UVRAG: variants seen among roughly 807,000 people sequenced by gnomAD.
UVRAG encodes UV radiation resistance-associated gene protein.
UVRAG carries 19 observed loss-of-function variants against 78.0 expected under a neutral mutation model. The ratio of observed to expected loss-of-function variants is 0.24; its 90% CI spans 0.17 to 0.36. UVRAG has a LOEUF of 0.36. Among genes scored for constraint, UVRAG ranks in the 10% least tolerant of loss-of-function variants. The pLI, the probability that UVRAG is intolerant of heterozygous loss-of-function variation, is 1.00. For missense variants in UVRAG, 740 were observed against 853.8 expected, an observed-to-expected ratio of 0.87 and a Z score of 1.66; for synonymous variants, 323 against 324.6, an observed-to-expected ratio of 1.00 and a Z score of 0.05.
chr11:75,965,644 C>A (rs986115488), intron 7 of UVRAG, among the ~76,000 whole-genome samples: 5 of 152,110 alleles, frequency 3.3e-5, no homozygotes, highest in Non-Finnish European at 7.4e-5. Flanking sequence ...TAGAGTTATT[C>A]TGAAGTGTTT....
At chr11:75,957,368 A>G (rs1335696109) in intron 6 of UVRAG, among the ~76,000 whole-genome samples, 4 of 150,666 alleles carry the variant, frequency 2.7e-5, no homozygotes, top group Non-Finnish European at 5.9e-5. Context: ...AATTTGCTAT[A>G]TATGTGTAGG....
At chr11:75,920,007 G>GGTTTTT (rs1947940403) in intron 6 of UVRAG, among the ~76,000 whole-genome samples, 3 of 72,730 alleles carry the variant, frequency 4.1e-5, no homozygotes, top group Admixed American at 1.6e-4. Flanking sequence ...AAATAATTTT[G>GGTTTTT]GTTTTTTTTT....
In UVRAG at chr11:76,143,782, AG is replaced by A. The variant is rs1312506633; in HGVS notation, c.*2372del. Among the ~76,000 whole-genome samples the A allele has an allele frequency of 3.3e-5, 5 of 152,260 alleles. No homozygotes were observed. Among genetic ancestry groups the A allele is most frequent in the Admixed American group, 3.3e-4 (5 of 15,294 alleles). On this transcript the variant is annotated 3_prime_UTR_variant, in exon 15 of 15. Transcript: ENST00000356136. ...GTTTAAAGTGGCTGGGGCCAAAATAAGGGATGAGTTATTATCTCCTACTAAC... is the reference window on the plus strand; with the variant it reads ...GTTTAAAGTGGCTGGGGCCAAAATAAGGATGAGTTATTATCTCCTACTAAC...
chr11:75,850,968 AGTGGACTT>A (rs1179670000), intron 1 of UVRAG, among the ~76,000 whole-genome samples: 1 of 152,230 alleles, frequency 6.6e-6, no homozygotes, highest in Non-Finnish European at 1.5e-5. Flanking sequence ...TGTAATTGAA[AGTGGACTT>A]ACCTCAGGAG....
chr11:75,834,926 C>G (rs1945744872), intron 1 of UVRAG, among the ~76,000 whole-genome samples: 1 of 152,182 alleles, frequency 6.6e-6, no homozygotes. Context: ...TATCTTCCCT[C>G]CTCAGCCTCT....
chr11:76,086,762 T>C (rs1951595586), intron 13 of UVRAG, among the ~76,000 whole-genome samples: 1 of 152,122 alleles, frequency 6.6e-6, no homozygotes, highest in South Asian at 2.1e-4. Context: ...AACTTATTTT[T>C]CCCAAAAAAA....
intron 13 of UVRAG, among the ~76,000 whole-genome samples, chr11:76,109,512 T>C (rs1484742545): frequency 6.6e-6 from 1 of 152,234 alleles, no homozygotes; most frequent in Non-Finnish European, 1.5e-5. Context: ...TAAATATTGT[T>C]GGTCCTGTTT....
chr11:75,938,910 A>G (rs527984940), intron 6 of UVRAG, among the ~76,000 whole-genome samples: 2 of 151,892 alleles, frequency 1.3e-5, no homozygotes, highest in South Asian at 4.2e-4. Context: ...TTTCTTCTAC[A>G]CTCAGGTAGA....
At chr11:75,895,946 C>T (rs541077717) in intron 5 of UVRAG, among the ~76,000 whole-genome samples, 1 of 152,114 alleles carries the variant, frequency 6.6e-6, no homozygotes, top group South Asian at 2.1e-4. Context: ...CTGTGGGATA[C>T]AAAAGTATAA....
chr11:75,906,309 G>T (rs1220418683), intron 5 of UVRAG, among the ~76,000 whole-genome samples: 1 of 151,754 alleles, frequency 6.6e-6, no homozygotes, highest in African/African-American at 2.4e-5. Flanking sequence ...TCTTCTAATA[G>T]TTCTATAGGT....
intron 5 of UVRAG, among the ~76,000 whole-genome samples, chr11:75,910,369 G>T (rs1191381335): frequency 6.6e-6 from 1 of 152,058 alleles, no homozygotes; most frequent in Admixed American, 6.5e-5. Flanking sequence ...AAGAAACCAA[G>T]GTTAAACTAA....
intron 12 of UVRAG, 82 bp downstream of exon 12, chr11:76,017,062 A>G: frequency 9.4e-7 from 1 of 1,060,244 alleles, no homozygotes; most frequent in South Asian, 2.7e-5. Flanking sequence ...ATAAAATGTA[A>G]TCTAAATTAT....
intron 14 of UVRAG, chr11:76,137,650 A>G (rs1952624341): frequency 5.6e-6 from 2 of 356,622 alleles, no homozygotes; most frequent in Non-Finnish European, 5.5e-6. Flanking sequence ...TGTAATCCCA[A>G]TATTTTGGGA....
chr11:75,815,435 C>T lies in UVRAG; in HGVS notation c.28C>T (p.Pro10Ser). MSASASVGGPVPQPPPGPAA... is the reference protein window; with the variant it reads MSASASVGGSVPQPPPGPAA... ...GAGCGCCTCCGCGTCGGTCGGGGGC[C>T]CCGTCCCCCAGCCACCCCCGGGCCC... Residue 10 changes from proline to serine, a missense_variant, in exon 1 of 15, where the codon CCC becomes TCC. Transcript: ENST00000356136. 1 of 1,248,692 alleles carries T rather than the reference C, an allele frequency of 8.0e-7. No homozygotes were observed. The highest frequency in any genetic ancestry group is 1.0e-6 in the Non-Finnish European group (1 of 995,854). 77.4% of individuals were successfully genotyped at this position (1,248,692 alleles called of 1,614,324 possible).
chr11:76,005,538 CCACTCAATACAA>C (rs1223018423), intron 9 of UVRAG, among the ~76,000 whole-genome samples: 1 of 152,196 alleles, frequency 6.6e-6, no homozygotes, highest in Non-Finnish European at 1.5e-5. Context: ...CTGTTACACA[CCACTCAATACAA>C]CACTTTTAAC....
intron 13 of UVRAG, among the ~76,000 whole-genome samples, chr11:76,109,662 A>G (rs1952035472): frequency 6.6e-6 from 1 of 152,244 alleles, no homozygotes; most frequent in African/African-American, 2.4e-5. Flanking sequence ...CACTCAATAA[A>G]TATTTGCTGA....
chr11:76,143,989 C>A lies in UVRAG; in HGVS notation c.*2576C>A, dbSNP rs552720252. On this transcript the variant is annotated 3_prime_UTR_variant, in exon 15 of 15. Coordinates refer to ENST00000356136, the MANE Select transcript of UVRAG (RefSeq NM_003369.4). The stretch of plus-strand genomic sequence containing the variant: ...TATTTGATTGTGTTTTTTCTCTTCA[C>A]TTCCCCTTAACCACTTTAGAAATTC... 1.3e-5 allele frequency among the ~76,000 whole-genome samples: 2 copies of A among 152,212 alleles called. No homozygotes were observed. Among genetic ancestry groups the A allele is most frequent in the Non-Finnish European group, 1.5e-5 (1 of 68,040 alleles).
intron 6 of UVRAG, among the ~76,000 whole-genome samples, chr11:75,928,939 CAAAAAAAAAAAAAAAAAAAA>C (rs368913080): frequency 3.0e-5 from 2 of 67,494 alleles, no homozygotes; most frequent in African/African-American, 1.6e-4. Context: ...GAGACTGTCT[CAAAAAAAAAAAAAAAAAAAA>C]AAAAAGAATT....
chr11:76,044,510 G>C (rs1950709038), intron 12 of UVRAG, among the ~76,000 whole-genome samples: 1 of 152,208 alleles, frequency 6.6e-6, no homozygotes, highest in Non-Finnish European at 1.5e-5. Context: ...CGCGGCTCAC[G>C]GCTGTAATCC....
Sources: gnomAD v4.1 joint callset for allele counts (sites outside exome capture counted in the v4.1 genomes callset) on GRCh38, gnomAD v4.1.1 for gene constraint, MANE v1.5 for transcripts, NCBI Gene and HGNC (gene_info 2026-07-23, HGNC 2026-07-21) for gene names.